The following AAAS variants were observed in gnomAD, a reference collection of about 807,000 sequenced individuals.
The protein encoded by AAAS is aladin.
AAAS carries 60 observed loss-of-function variants against 75.6 expected under a neutral mutation model. The observed-to-expected ratio is 0.79, with a 90% confidence interval of 0.64 to 0.98. The LOEUF (loss-of-function observed/expected upper bound fraction) is 0.98. Ranked by LOEUF, AAAS falls within the 50% of genes least tolerant of loss-of-function variation. The pLI, the probability that AAAS is intolerant of heterozygous loss-of-function variation, is 0.00. For synonymous variants in AAAS, 271 were observed against 265.0 expected, an observed-to-expected ratio of 1.02 and a Z score of -0.22; for missense variants, 658 against 686.9, an observed-to-expected ratio of 0.96 and a Z score of 0.47.
At position 53,317,899 on chromosome 12, in the gene AAAS, C is replaced by T. The variant is rs530429854; in HGVS notation, c.252-2117G>A. Among the ~76,000 whole-genome samples, 4 of 152,304 alleles carry T rather than the reference C, an allele frequency of 2.6e-5. No individual in the cohort carries two copies. The East Asian group carries it at 5.8e-4, about 22-fold the overall frequency. ...GACATTAGTAAAGGAAAGAGCAATA[C>T]AACAGAAACACCTAGGTAATAATTA... On this transcript the variant is annotated intron_variant, in intron 2 of 15. Coordinates refer to ENST00000209873, the MANE Select transcript of AAAS (RefSeq NM_015665.6).
chr12:53,307,557 A>AG lies in AAAS; in HGVS notation c.1572dup (p.Ser525LeufsTer?). 2 of 1,614,164 alleles carry AG rather than the reference A, an allele frequency of 1.2e-6. No homozygotes were observed. The highest frequency in any genetic ancestry group is 1.7e-6 in the Non-Finnish European group (2 of 1,180,002). On this transcript the variant is annotated frameshift_variant, in exon 16 of 16. Coordinates refer to ENST00000209873, the MANE Select transcript of AAAS (RefSeq NM_015665.6). LOFTEE classifies it high-confidence loss of function. ...CCTGGGAGAGGGTCCCAAGGGGCAGAGGTTGGGGATGTCTCAGTAAAGAGG... is the reference window on the plus strand; with the variant it reads ...CCTGGGAGAGGGTCCCAAGGGGCAGAGGGTTGGGGATGTCTCAGTAAAGAGG...
intron 2 of AAAS, among the ~76,000 whole-genome samples, chr12:53,318,167 G>A (rs905805354): frequency 6.6e-6 from 1 of 151,106 alleles, no homozygotes; most frequent in Non-Finnish European, 1.5e-5. Context: ...CTGAGACTAC[G>A]GGTGCACACC....
chr12:53,321,270 C>T, intron 1 of AAAS, 73 bp downstream of exon 1: 1 of 1,581,886 alleles, frequency 6.3e-7, no homozygotes, highest in South Asian at 1.1e-5. Flanking sequence ...CCCTGTCACA[C>T]TGCCTCCTTT....
intron 2 of AAAS, among the ~76,000 whole-genome samples, chr12:53,316,652 T>C (rs938614492): frequency 3.5e-5 from 5 of 144,662 alleles, no homozygotes; most frequent in African/African-American, 1.3e-4. Context: ...TCCCAGCTAC[T>C]CCATAGGCTG....
rs754159917 is a variant in AAAS at position 53,309,141 on chromosome 12, T to C, written c.935+16A>G. 1.9e-5 allele frequency: 31 copies of C among 1,614,034 alleles called. No homozygotes were observed. Among genetic ancestry groups the C allele is most frequent in the Non-Finnish European group, 2.4e-5 (28 of 1,180,028 alleles). On this transcript the variant is annotated intron_variant, in intron 9 of 15. Transcript: ENST00000209873. ...TCTCTAGGTCCTTGCCCTCCCTCCA[T>C]CCTTGTCCCACTCACCGAAAGACAG... is the stretch of plus-strand genomic sequence containing the variant.
Position 53,321,311 on chromosome 12 carries a change from CTG to C in AAAS, c.123+30_123+31del, listed in dbSNP as rs750823027. The stretch of plus-strand genomic sequence containing the variant: ...GTAGTCCCCGACTCCGCCCCCATGC[CTG>C]TAGGTCCCCTCCCTCCTCGCCCTGG... On this transcript the variant is annotated intron_variant, in intron 1 of 15. Coordinates refer to ENST00000209873, the MANE Select transcript of AAAS (RefSeq NM_015665.6). 6.9e-5 allele frequency: 111 copies of C among 1,605,366 alleles called. No individual in the cohort carries two copies. In the South Asian group the frequency reaches 1.2e-3, roughly 17 times the overall value.
chr12:53,321,302 C>T (rs1359923436), intron 1 of AAAS, 41 bp downstream of exon 1: 3 of 1,601,528 alleles, frequency 1.9e-6, no homozygotes, highest in African/African-American at 2.7e-5. Context: ...CCCGACTCCG[C>T]CCCCATGCCT....
chr12:53,315,179 A>G (rs1225287687), intron 4 of AAAS, 39 bp from the exon 5 acceptor site: 25 of 1,612,624 alleles, frequency 1.6e-5, no homozygotes, highest in Non-Finnish European at 2.1e-5. Flanking sequence ...ACTGGGGCAA[A>G]AGGAGTCCAT....
Position 53,321,549 on chromosome 12 carries a change from C to A in AAAS, c.-84G>T, listed in dbSNP as rs886049653. The stretch of plus-strand genomic sequence containing the variant: ...GCACTCCCGCAACTCGGTTCCCGGG[C>A]TAGATTCGTATGCGGACGGGTACCG... On this transcript the variant is annotated 5_prime_UTR_variant, in exon 1 of 16. Transcript: ENST00000209873. The A allele has an allele frequency of 2.5e-6, 4 of 1,605,334 alleles. No homozygotes were observed. The highest frequency in any genetic ancestry group is 1.1e-5 in the South Asian group (1 of 90,874).
At chr12:53,310,680 C>G (rs1944375702) in intron 7 of AAAS, among the ~76,000 whole-genome samples, 1 of 152,174 alleles carries the variant, frequency 6.6e-6, no homozygotes, top group Non-Finnish European at 1.5e-5. Context: ...CCTGGCCTGA[C>G]AGACGAAGGC....
intron 13 of AAAS, 52 bp from the exon 14 acceptor site, chr12:53,308,185 A>C (rs1944323251): frequency 6.2e-7 from 1 of 1,611,240 alleles, no homozygotes; most frequent in Non-Finnish European, 8.5e-7. Context: ...GCAGAGTCCC[A>C]GGACATGGGC....
At position 53,309,646 on chromosome 12, in the gene AAAS, A is replaced by G; in HGVS notation, c.765T>C (p.Ser255=). ...GTGAAGCTGAGAGCAGCCGCCCCCC[A>G]CTGGGGGCCCAGGCCAAGCTGGTAA... ...TPVTSLAWAP[S]GGRLLSASPV... is the part of the protein sequence containing the mutation. The change falls in exon 8 of 16, where the codon AGT becomes AGC. Residue 255 remains serine (S), a synonymous_variant. Coordinates refer to ENST00000209873, the MANE Select transcript of AAAS (RefSeq NM_015665.6). The G allele has an allele frequency of 1.2e-6, 2 of 1,613,514 alleles. No homozygotes were observed. Among genetic ancestry groups the G allele is most frequent in the Middle Eastern group, 3.3e-4 (2 of 6,056 alleles).
intron 2 of AAAS, among the ~76,000 whole-genome samples, chr12:53,318,093 A>C (rs1259920528): frequency 3.9e-5 from 6 of 152,110 alleles, no homozygotes; most frequent in Non-Finnish European, 7.4e-5. Flanking sequence ...CAATATCACC[A>C]TCACGGCTCG....
chr12:53,311,316 A>G (rs1048817247), intron 7 of AAAS, among the ~76,000 whole-genome samples: 4 of 152,102 alleles, frequency 2.6e-5, no homozygotes, highest in Admixed American at 2.6e-4. Context: ...GCTAGAGTAC[A>G]ATGGCATTAT....
intron 2 of AAAS, among the ~76,000 whole-genome samples, chr12:53,320,325 A>G (rs1305828084): frequency 6.6e-6 from 1 of 152,176 alleles, no homozygotes; most frequent in Non-Finnish European, 1.5e-5. Flanking sequence ...GTTACTAGAG[A>G]TGAAATGGAA....
At chr12:53,317,755 G>C (rs1944486668) in intron 2 of AAAS, among the ~76,000 whole-genome samples, 1 of 150,538 alleles carries the variant, frequency 6.6e-6, no homozygotes, top group African/African-American at 2.4e-5. Context: ...AAAAAAAAAA[G>C]AATCTACTTC....
intron 2 of AAAS, among the ~76,000 whole-genome samples, chr12:53,316,620 G>T (rs1337206787): frequency 3.3e-5 from 5 of 151,552 alleles, no homozygotes; most frequent in Non-Finnish European, 7.4e-5. Context: ...AATTAGCCAG[G>T]TGTGGTGGTC....
intron 2 of AAAS, among the ~76,000 whole-genome samples, chr12:53,316,764 CAAAAAAAAAAA>C (rs34520642): frequency 2.7e-4 from 21 of 77,202 alleles, no homozygotes; most frequent in Admixed American, 5.0e-4. Context: ...CCATCTCAGA[CAAAAAAAAAAA>C]AAAAAAAAAA....
chr12:53,312,848 G>A (rs1221542229), intron 7 of AAAS, among the ~76,000 whole-genome samples: 4 of 112,570 alleles, frequency 3.6e-5, no homozygotes, highest in South Asian at 3.3e-4. Context: ...GTGTGTGTGT[G>A]TATATATATA....
Sources: gnomAD v4.1 joint callset for allele counts (sites outside exome capture counted in the v4.1 genomes callset) on GRCh38, gnomAD v4.1.1 for gene constraint, MANE v1.5 for transcripts, NCBI Gene and HGNC (gene_info 2026-07-23, HGNC 2026-07-21) for gene names.